RIF1: variants seen among roughly 807,000 people sequenced by gnomAD.
RIF1 encodes telomere-associated protein RIF1.
RIF1 carries 45 observed loss-of-function variants against 247.1 expected under a neutral mutation model. The observed-to-expected ratio is 0.18, with a 90% CI of 0.14 to 0.23. The LOEUF is 0.23. Among genes scored for constraint, RIF1 ranks in the 10% least tolerant of loss-of-function variants. The pLI, the probability that RIF1 is intolerant of heterozygous loss-of-function variation, is 1.00. For synonymous variants in RIF1, 1,087 were observed against 978.8 expected (o/e 1.11, Z -2.06); for missense variants, 2,967 against 2,862.5 (o/e 1.04, Z -0.83).
At chr2:151,507,965 G>C (rs1180638323) in exon 14 of RIF1, 1 of 1,451,538 alleles carries the variant, frequency 6.9e-7, no homozygotes, top group Non-Finnish European at 9.5e-7. Flanking sequence ...AGCACCCCTA[G>C]GTGCCTGTGG....
rs573659346 is a variant in RIF1, at chr2:151,479,462, A to G, written c.*4391A>G. The G allele has an allele frequency of 1.9e-4, 29 of 152,326 alleles. No individual in the cohort carries two copies. The highest frequency in any genetic ancestry group is 6.5e-4 in the African/African-American group (27 of 41,568). The allele number at this position is 152,326 out of a possible 1,614,324, so 9.4% of individuals were successfully genotyped here. The stretch of plus-strand genomic sequence containing the variant: ...AAGTATTAGAATATATTTAGTCTCT[A>G]AATAAATCTTGCCTTCTATTATGGA... On this transcript the variant is annotated 3_prime_UTR_variant, in exon 36 of 36. Transcript: ENST00000444746.
intron 27 of RIF1, among the ~76,000 whole-genome samples, chr2:151,461,617 C>T (rs1219302527): frequency 2.0e-5 from 3 of 152,044 alleles, no homozygotes; most frequent in Admixed American, 6.5e-5. Flanking sequence ...TGGTCTTGAT[C>T]TCCTGACCTC....
At position 151,438,470 on chromosome 2, in the gene RIF1, G is replaced by A. The variant is rs1691654241; in HGVS notation, c.1484-214G>A. ...TCCAGCCTGGACAGAGCAAGACCCT[G>A]TCTGAAAAAAATAAACCATATTTAG... On this transcript the variant is annotated intron_variant, in intron 13 of 35. Transcript: ENST00000444746. Among the ~76,000 whole-genome samples the A allele has an allele frequency of 2.0e-5, 3 of 152,120 alleles. 1 individual carries two copies. The highest frequency in any genetic ancestry group is 2.9e-5 in the Non-Finnish European group (2 of 68,010).
In RIF1 at chr2:151,463,564, T is replaced by G; in HGVS notation, c.4044T>G (p.Ser1348=). The change falls in exon 30 of 36, where the codon TCT becomes TCG. Residue 1348 remains serine (S), a synonymous_variant. Coordinates refer to ENST00000444746, the MANE Select transcript of RIF1 (RefSeq NM_018151.5). Reference sequence around the variant, plus strand: ...ATAATCAGGTTCATCTTTCTGAATCTACAATGGAGCATGACAATACAAAGC... The same window carrying G: ...ATAATCAGGTTCATCTTTCTGAATCGACAATGGAGCATGACAATACAAAGC... ...VSDNQVHLSE[S]TMEHDNTKLK... The G allele has an allele frequency of 1.2e-6, 2 of 1,613,962 alleles. No individual in the cohort carries two copies. Among genetic ancestry groups the G allele is most frequent in the Non-Finnish European group, 1.7e-6 (2 of 1,179,992 alleles).
downstream of RIF1, among the ~76,000 whole-genome samples, chr2:151,483,917 G>GT: frequency 6.6e-6 from 1 of 152,328 alleles, no homozygotes; most frequent in Non-Finnish European, 1.5e-5. Flanking sequence ...TCCCCACTGT[G>GT]TGGAAAAATT....
chr2:151,526,591 G>A, the RIF1 span, among the ~76,000 whole-genome samples: 1 of 152,198 alleles, frequency 6.6e-6, no homozygotes, highest in African/African-American at 2.4e-5. Context: ...AAACTGTAGT[G>A]AAGGGAAAGT....
At chr2:151,496,111 T>C (rs1005331923) in intron 10 of RIF1, among the ~76,000 whole-genome samples, 1 of 152,220 alleles carries the variant, frequency 6.6e-6, no homozygotes, top group Non-Finnish European at 1.5e-5. Flanking sequence ...CTTGTTATTA[T>C]GGGGTTAGGC....
At chr2:151,498,278 A>ATTGTG in intron 10 of RIF1, 1 of 1,551,278 alleles carries the variant, frequency 6.4e-7, no homozygotes, top group Non-Finnish European at 8.7e-7. Context: ...GGTTTTCTTG[A>ATTGTG]TTGTGTTTGA....
chr2:151,460,341 T>A (rs1420197896), intron 26 of RIF1, among the ~76,000 whole-genome samples: 1 of 152,220 alleles, frequency 6.6e-6, no homozygotes. Flanking sequence ...TGTGTAATGC[T>A]TAGCAACTGT....
In RIF1 at chr2:151,477,145, T is replaced by C. The variant is rs1206448912; in HGVS notation, c.*2074T>C. The C allele has an allele frequency of 6.6e-6, 1 of 152,238 alleles. No individual in the cohort carries two copies. Among genetic ancestry groups the C allele is most frequent in the Non-Finnish European group, 1.5e-5 (1 of 68,026 alleles). The allele number at this position is 152,238 out of a possible 1,614,324, so 9.4% of individuals were successfully genotyped here. Reference sequence around the variant, plus strand: ...CTAAATCTTCATTTTGCTATGGCTATAAGCATATATTTTTGGCAACTTATT... The same window carrying C: ...CTAAATCTTCATTTTGCTATGGCTACAAGCATATATTTTTGGCAACTTATT... On this transcript the variant is annotated 3_prime_UTR_variant, in exon 36 of 36. Transcript: ENST00000444746.
downstream of RIF1, among the ~76,000 whole-genome samples, chr2:151,511,218 C>A (rs1392584405): frequency 2.0e-5 from 3 of 152,238 alleles, no homozygotes; most frequent in African/African-American, 7.2e-5. Flanking sequence ...GTGAACACAA[C>A]ATGGTAATTT....
In RIF1 at chr2:151,468,631, T is replaced by G. The variant is rs745561802; in HGVS notation, c.6826-10T>G. ...ACCTCTGTGTAACAGCTTCTGAAAT[T>G]TATTCTAAGATTTCAGAAATGGCCA... is the stretch of plus-strand genomic sequence containing the variant. On this transcript the variant is annotated splice_polypyrimidine_tract_variant and intron_variant, in intron 32 of 35. Transcript: ENST00000444746. The G allele has an allele frequency of 2.5e-6, 4 of 1,609,826 alleles. No homozygotes were observed. The highest frequency in any genetic ancestry group is 3.3e-5 in the Admixed American group (2 of 60,014).
rs573981362 is a variant in RIF1 at position 151,473,574 on chromosome 2, C to T, written c.7096-390C>T. Among the ~76,000 whole-genome samples the T allele has an allele frequency of 4.6e-5, 7 of 152,086 alleles. No homozygotes were observed. The East Asian group carries it at 9.7e-4, about 21-fold the overall frequency. ...GAATTACAGGGGTGAGCCACTGCTC[C>T]CAGCCAGAAAATTGTGTTCTTTTTT... On this transcript the variant is annotated intron_variant, in intron 34 of 35. Coordinates refer to ENST00000444746, the MANE Select transcript of RIF1 (RefSeq NM_018151.5).
intron 6 of RIF1, among the ~76,000 whole-genome samples, chr2:151,418,546 G>A (rs1401082404): frequency 6.6e-6 from 1 of 151,930 alleles, no homozygotes; most frequent in Non-Finnish European, 1.5e-5. Context: ...TTTGACTTTT[G>A]TAAGAATAAT....
chr2:151,413,131 G>A (rs1012510295), intron 3 of RIF1, among the ~76,000 whole-genome samples: 6 of 151,048 alleles, frequency 4.0e-5, no homozygotes, highest in Non-Finnish European at 7.4e-5. Flanking sequence ...GGTTCAAGCC[G>A]TTCTCCTGCC....
At chr2:151,446,778 A>C (rs142556285) in intron 20 of RIF1, among the ~76,000 whole-genome samples, 5 of 151,950 alleles carry the variant, frequency 3.3e-5, no homozygotes, top group African/African-American at 1.2e-4. Flanking sequence ...AATAGTGAAG[A>C]TCTTTTACTA....
rs150003492 is a variant in RIF1, at chr2:151,426,841, T to A, written c.787-1943T>A. On this transcript the variant is annotated intron_variant, in intron 8 of 35. Transcript: ENST00000444746. ...TTTGTATTTTTAGTAGAGATGGGGT[T>A]TTACCATGTTGGCCAGGCTGGTCTC... Among the ~76,000 whole-genome samples, 351 of 151,814 alleles carry A rather than the reference T, an allele frequency of 2.3e-3. 9 individuals are homozygous for A. In the East Asian group the frequency reaches 0.046, roughly 20 times the overall value.
At chr2:151,528,199 C>T in the RIF1 span, among the ~76,000 whole-genome samples, 3 of 152,154 alleles carry the variant, frequency 2.0e-5, no homozygotes, top group East Asian at 3.9e-4. Context: ...GGCTGGAGAA[C>T]TGGCTGCATT....
At chr2:151,415,507 T>A (rs1215148573) in intron 4 of RIF1, among the ~76,000 whole-genome samples, 1 of 132,644 alleles carries the variant, frequency 7.5e-6, no homozygotes, top group Non-Finnish European at 1.5e-5. Flanking sequence ...GGCAGGAGAA[T>A]GGCGTGAACC....
Sources: gnomAD v4.1 joint callset for allele counts (sites outside exome capture counted in the v4.1 genomes callset) on GRCh38, gnomAD v4.1.1 for gene constraint, MANE v1.5 for transcripts, NCBI Gene and HGNC (gene_info 2026-07-23, HGNC 2026-07-21) for gene names.